SLC1A5: variants seen among roughly 807,000 people sequenced by gnomAD.
The protein encoded by SLC1A5 is solute carrier family 1 member 5.
SLC1A5 carries 25 observed loss-of-function variants against 34.9 expected under a neutral mutation model. That is an observed-to-expected ratio of 0.72 (90% CI 0.52 to 1.00). The LOEUF (loss-of-function observed/expected upper bound fraction) is 1.00, where lower values mean the gene tolerates loss of function less well. Among genes scored for constraint, SLC1A5 ranks in the 50% least tolerant of loss-of-function variants. The probability of loss-of-function intolerance (pLI) is 0.00; values close to 1 mark genes in which losing one functional copy is unlikely to be tolerated. For synonymous variants in SLC1A5, 351 were observed against 341.2 expected (o/e 1.03, Z -0.32); for missense variants, 637 against 740.0 (o/e 0.86, Z 1.61).
At chr19:46,786,856 A>C (rs964142552) in intron 1 of SLC1A5, among the ~76,000 whole-genome samples, 1 of 152,200 alleles carries the variant, frequency 6.6e-6, no homozygotes, top group African/African-American at 2.4e-5. Context: ...GGAAGCGGCC[A>C]GACCCCAGCT....
At position 46,787,381 on chromosome 19, in the gene SLC1A5, C is replaced by A; in HGVS notation, c.566+19G>T. ...ATCCGTAACACTCTTCCCCACCTCCCGGGGGAGCGGGAGCTGACCTCGCAA... is the reference window on the plus strand; with the variant it reads ...ATCCGTAACACTCTTCCCCACCTCCAGGGGGAGCGGGAGCTGACCTCGCAA... On this transcript the variant is annotated intron_variant, in intron 1 of 7. Transcript: ENST00000542575. This position sits in a 1 kb window ranked among gnomAD's most constrained non-coding sequence, Gnocchi z 5.2. 6.3e-7 allele frequency: 1 copy of A among 1,578,632 alleles called. No individual in the cohort carries two copies. Among genetic ancestry groups the A allele is most frequent in the East Asian group, 2.3e-5 (1 of 43,002 alleles).
chr19:46,787,516 C>T lies in SLC1A5; in HGVS notation c.450G>A (p.Ala150=). The change falls in exon 1 of 8, where the codon GCG becomes GCA. Residue 150 remains alanine, a synonymous_variant. Transcript: ENST00000542575. The surrounding 1 kb of genome is among the most constrained non-coding windows in gnomAD (Gnocchi z 5.2). ...AGGCGGCGCCCGGCTGCAGAGCCAG[C>T]GCCAAGCCCACTCCGAGCGCCGACG... ...LLASALGVGL[A]LALQPGAASA... is the part of the protein sequence containing the mutation. 6.3e-7 allele frequency: 1 copy of T among 1,578,616 alleles called. No homozygotes were observed.
At chr19:46,780,603 C>A (rs2055138325) in intron 4 of SLC1A5, among the ~76,000 whole-genome samples, 1 of 151,694 alleles carries the variant, frequency 6.6e-6, no homozygotes, top group African/African-American at 2.4e-5. Context: ...AGCAATCCTC[C>A]CCCCTCAGCC....
intron 5 of SLC1A5, 151 bp downstream of exon 5, chr19:46,778,524 T>C: frequency 1.6e-6 from 1 of 618,360 alleles, no homozygotes; most frequent in Non-Finnish European, 2.9e-6. Context: ...TCCTATCTTT[T>C]TAAGGGTGGG....
Position 46,777,141 on chromosome 19 carries a change from C to T in SLC1A5, c.1254-32G>A, listed in dbSNP as rs778527248. ...GAGAAGGTGGGAGGTTAGGCAGATGCCTGTCTTGTGGGAGAAGATGGGGGT... is the reference window on the plus strand; with the variant it reads ...GAGAAGGTGGGAGGTTAGGCAGATGTCTGTCTTGTGGGAGAAGATGGGGGT... On this transcript the variant is annotated intron_variant, in intron 6 of 7. Coordinates refer to ENST00000542575, the MANE Select transcript of SLC1A5 (RefSeq NM_005628.3). The T allele has an allele frequency of 1.1e-5, 17 of 1,609,688 alleles. No homozygotes were observed. The Admixed American group carries it at 2.7e-4, about 25-fold the overall frequency.
chr19:46,778,767 G>C lies in SLC1A5; in HGVS notation c.966C>G (p.Pro322=), dbSNP rs774923471. ...TGCGGGTGAAGAGGAAGTAGATGAG[G>C]GGCAGTACCAGGAGCCCATGGATGG... ...GHAIHGLLVL[P]LIYFLFTRKN... Residue 322 remains proline (P), a synonymous_variant, in exon 5 of 8, where the codon CCC becomes CCG. Transcript: ENST00000542575. The C allele has an allele frequency of 4.3e-6, 7 of 1,614,036 alleles. No homozygotes were observed. The highest frequency in any genetic ancestry group is 1.7e-4 in the Middle Eastern group (1 of 6,060).
intron 4 of SLC1A5, among the ~76,000 whole-genome samples, chr19:46,779,879 G>A (rs2055131478): frequency 6.6e-6 from 1 of 150,842 alleles, no homozygotes; most frequent in Non-Finnish European, 1.5e-5. Context: ...TTGAGATGGA[G>A]TCTCACTCTG....
At chr19:46,783,731 G>C (rs1347467738) in intron 3 of SLC1A5, among the ~76,000 whole-genome samples, 1 of 152,186 alleles carries the variant, frequency 6.6e-6, no homozygotes, top group African/African-American at 2.4e-5. Flanking sequence ...AGACTGCAGT[G>C]AGCTGTGATC....
intron 1 of SLC1A5, among the ~76,000 whole-genome samples, chr19:46,785,574 G>A (rs2066615635): frequency 6.6e-6 from 1 of 152,206 alleles, no homozygotes; most frequent in African/African-American, 2.4e-5. Flanking sequence ...AAATAGCAGA[G>A]CTGGGATTTG....
At chr19:46,784,002 C>A in intron 3 of SLC1A5, 95 bp downstream of exon 3, 1 of 939,954 alleles carries the variant, frequency 1.1e-6, no homozygotes, top group Non-Finnish European at 1.7e-6. Context: ...GAGTGTCAAT[C>A]AAATTCCACA....
chr19:46,777,251 T>C lies in SLC1A5; in HGVS notation c.1213A>G (p.Ser405Gly). The C allele has an allele frequency of 1.2e-6, 2 of 1,610,900 alleles. No homozygotes were observed. The highest frequency in any genetic ancestry group is 1.7e-6 in the Non-Finnish European group (2 of 1,178,344). ...CVAAVFIAQLSQQSLDFVKII... is the reference protein window; with the variant it reads ...CVAAVFIAQLGQQSLDFVKII... ...TTTACGAAGTCCAAGGACTGCTGGC[T>C]GAGCTGTGCAATGAACACTGCGGCC... The change falls in exon 6 of 8, where the codon AGC (serine) becomes GGC (glycine). Residue 405 changes from serine (S) to glycine (G), a missense_variant. Coordinates refer to ENST00000542575, the MANE Select transcript of SLC1A5 (RefSeq NM_005628.3).
rs776381079 is a variant in SLC1A5 at position 46,784,571 on chromosome 19, GAC to G, written c.567-14_567-13del. The G allele has an allele frequency of 6.2e-7, 1 of 1,614,122 alleles. No homozygotes were observed. The highest frequency in any genetic ancestry group is 8.5e-7 in the Non-Finnish European group (1 of 1,180,046). ...AAGGGAAGATATTTCTGCAGAGACAGACACACAGAGGGTTATTAGATACCATA... is the reference window on the plus strand; with the variant it reads ...AAGGGAAGATATTTCTGCAGAGACAGACACAGAGGGTTATTAGATACCATA... On this transcript the variant is annotated splice_polypyrimidine_tract_variant and intron_variant, in intron 1 of 7. Coordinates refer to ENST00000542575, the MANE Select transcript of SLC1A5 (RefSeq NM_005628.3).
At chr19:46,782,571 G>C in intron 3 of SLC1A5, 22 bp from the exon 4 acceptor site, 1 of 1,613,178 alleles carries the variant, frequency 6.2e-7, no homozygotes, top group Non-Finnish European at 8.5e-7. Flanking sequence ...GAACAGATCG[G>C]GGTGGAAAGG....
chr19:46,787,657 G>A lies in SLC1A5; in HGVS notation c.309C>T (p.Ile103=). Residue 103 remains isoleucine, a synonymous_variant, in exon 1 of 8, where the codon ATC becomes ATT. Coordinates refer to ENST00000542575, the MANE Select transcript of SLC1A5 (RefSeq NM_005628.3). The surrounding 1 kb of genome is among the most constrained non-coding windows in gnomAD (Gnocchi z 5.2). The part of the protein sequence containing the change: ...GELLLRLLRM[I]ILPLVVCSLI... ...AGCTGCACACCACCAGCGGCAAGAT[G>A]ATCATCCGCAGCAGACGCAGCAGCA... 1 of 1,590,418 alleles carries A rather than the reference G, an allele frequency of 6.3e-7. No homozygotes were observed. The highest frequency in any genetic ancestry group is 8.5e-7 in the Non-Finnish European group (1 of 1,171,884).
chr19:46,778,660 A>ACCCCCAAGCCCTACCAGGGAGAGGT lies in SLC1A5; in HGVS notation c.1058+14_1058+15insACCTCTCCCTGGTAGGGCTTGGGGG. On this transcript the variant is annotated intron_variant, in intron 5 of 7. Coordinates refer to ENST00000542575, the MANE Select transcript of SLC1A5 (RefSeq NM_005628.3). ...CGGATTAAACATCCCACCCTAGCCC[A>ACCCCCAAGCCCTACCAGGGAGAGGT]CCCCAAGGCCGTACCTGGAAGAGGT... 1 of 682,018 alleles carries ACCCCCAAGCCCTACCAGGGAGAGGT rather than the reference A, an allele frequency of 1.5e-6. No individual in the cohort carries two copies. 42.2% of individuals were successfully genotyped at this position (682,018 alleles called of 1,614,324 possible).
At chr19:46,779,910 T>C (rs745551134) in intron 4 of SLC1A5, among the ~76,000 whole-genome samples, 12 of 151,506 alleles carry the variant, frequency 7.9e-5, no homozygotes, top group Non-Finnish European at 1.5e-4. Flanking sequence ...TGGAGTGCAG[T>C]GGCATGATCT....
chr19:46,778,983 AC>A, intron 4 of SLC1A5, 75 bp from the exon 5 acceptor site: 1 of 1,052,164 alleles, frequency 9.5e-7, no homozygotes, highest in Non-Finnish European at 1.4e-6. Context: ...TCAGCACCCT[AC>A]CCACATCTTC....
At chr19:46,783,592 T>C (rs945405708) in intron 3 of SLC1A5, among the ~76,000 whole-genome samples, 1 of 151,276 alleles carries the variant, frequency 6.6e-6, no homozygotes, top group Non-Finnish European at 1.5e-5. Context: ...AGCCCGAGAG[T>C]GCAAGACCAG....
rs780513350 is a variant in SLC1A5 at position 46,787,639 on chromosome 19, C to T, written c.327G>A (p.Val109=). 2.5e-6 allele frequency: 4 copies of T among 1,582,738 alleles called. No homozygotes were observed. Among genetic ancestry groups the T allele is most frequent in the Non-Finnish European group, 3.4e-6 (4 of 1,167,846 alleles). Residue 109 remains valine, a synonymous_variant, in exon 1 of 8, where the codon GTG becomes GTA. Coordinates refer to ENST00000542575, the MANE Select transcript of SLC1A5 (RefSeq NM_005628.3). This position sits in a 1 kb window ranked among gnomAD's most constrained non-coding sequence, Gnocchi z 5.2. ...TGGCGGCGCCGCCGATCAAGCTGCA[C>T]ACCACCAGCGGCAAGATGATCATCC... ...LLRMIILPLV[V]CSLIGGAASL...
Sources: gnomAD v4.1 joint callset for allele counts (sites outside exome capture counted in the v4.1 genomes callset) on GRCh38, gnomAD v4.1.1 for gene constraint, Gnocchi (gnomAD v3.1) non-coding constraint, MANE v1.5 for transcripts, NCBI Gene and HGNC (gene_info 2026-07-23, HGNC 2026-07-21) for gene names.